Variants in MAPK10 observed in about 807,000 individuals in gnomAD.
MAPK10 encodes the protein mitogen-activated protein kinase 10.
Under a neutral mutation model 59.3 loss-of-function variants are expected in MAPK10, and 25 were observed. The observed-to-expected ratio is 0.42, with a 90% CI of 0.31 to 0.59. MAPK10 has a LOEUF of 0.59. Among genes scored for constraint, MAPK10 ranks in the 20% least tolerant of loss-of-function variants. The probability of loss-of-function intolerance (pLI) is 0.15; values close to 1 mark genes in which losing one functional copy is unlikely to be tolerated. For synonymous variants in MAPK10, 190 were observed against 200.5 expected (o/e 0.95, Z 0.44); for missense variants, 351 against 568.9 (o/e 0.62, Z 3.90).
At chr4:86,244,273 C>A (rs945637506) in intron 2 of MAPK10, among the ~76,000 whole-genome samples, 5 of 152,070 alleles carry the variant, frequency 3.3e-5, no homozygotes, top group African/African-American at 4.8e-5. Context: ...AAAAATCAAC[C>A]ATTTTATACC....
chr4:86,408,794 G>T (rs949146193), intron 1 of MAPK10, among the ~76,000 whole-genome samples: 5 of 152,156 alleles, frequency 3.3e-5, no homozygotes, highest in Non-Finnish European at 7.3e-5. Flanking sequence ...GTAGATTCTG[G>T]ATATTAGTCC....
chr4:86,198,765 GATA>G (rs555478471), intron 2 of MAPK10, among the ~76,000 whole-genome samples: 3 of 151,400 alleles, frequency 2.0e-5, no homozygotes, highest in Non-Finnish European at 4.4e-5. Flanking sequence ...TAAAATATGT[GATA>G]ATTAGTATAA....
intron 4 of MAPK10, among the ~76,000 whole-genome samples, chr4:86,136,581 T>A (rs551192982): frequency 5.5e-5 from 8 of 145,800 alleles, no homozygotes; most frequent in Admixed American, 1.4e-4. Flanking sequence ...TGCAAAATCA[T>A]GCCAAAATGT....
At chr4:86,189,114 G>C (rs925356106) in intron 3 of MAPK10, among the ~76,000 whole-genome samples, 10 of 152,048 alleles carry the variant, frequency 6.6e-5, no homozygotes, top group Non-Finnish European at 1.3e-4. Flanking sequence ...TATTTGTTTT[G>C]GTACCAGCAC....
At chr4:86,582,860 T>G (rs112671571) in intron 1 of MAPK10, among the ~76,000 whole-genome samples, 7,096 of 152,280 alleles carry the variant, frequency 0.047, 223 homozygotes, top group African/African-American at 0.061. Context: ...TGTGGTTATA[T>G]TTGAATGTGT....
At chr4:86,327,138 C>A (rs1247598779) in intron 2 of MAPK10, 1 of 139,844 alleles carries the variant, frequency 7.2e-6, no homozygotes, top group African/African-American at 2.6e-5. Flanking sequence ...ACCCAGCTAA[C>A]TTTTTTTTTT....
intron 1 of MAPK10, among the ~76,000 whole-genome samples, chr4:86,365,442 A>T (rs1340871221): frequency 3.0e-5 from 3 of 101,638 alleles, no homozygotes; most frequent in African/African-American, 1.1e-4. Context: ...AAAAAAAAAA[A>T]AAAAAAAAAA....
At chr4:86,178,167 C>T (rs2076118012) in intron 3 of MAPK10, among the ~76,000 whole-genome samples, 1 of 152,020 alleles carries the variant, frequency 6.6e-6, no homozygotes, top group South Asian at 2.1e-4. Context: ...ACCTTTTTCC[C>T]CCTACTGGTC....
intron 1 of MAPK10, among the ~76,000 whole-genome samples, chr4:86,540,683 T>G (rs938232311): frequency 3.3e-5 from 5 of 152,088 alleles, no homozygotes; most frequent in Non-Finnish European, 5.9e-5. Context: ...GGAAGAAGAA[T>G]AATTCCCTTC....
At chr4:86,513,126 C>G (rs370144511) in intron 1 of MAPK10, among the ~76,000 whole-genome samples, 4 of 152,038 alleles carry the variant, frequency 2.6e-5, no homozygotes, top group Non-Finnish European at 5.9e-5. Flanking sequence ...TAGCTCCCTT[C>G]AGCCTCAAAT....
intron 1 of MAPK10, among the ~76,000 whole-genome samples, chr4:86,502,180 T>C (rs1755380485): frequency 6.6e-6 from 1 of 152,006 alleles, no homozygotes; most frequent in Admixed American, 6.6e-5. Flanking sequence ...CTCCTCTAAA[T>C]GTGTTGTGAC....
intron 4 of MAPK10, among the ~76,000 whole-genome samples, chr4:86,132,072 A>G (rs991370798): frequency 6.6e-6 from 1 of 152,220 alleles, no homozygotes; most frequent in Non-Finnish European, 1.5e-5. Context: ...TGAGTTAATA[A>G]CTTACTTATT....
At chr4:86,405,946 T>C (rs1744309589) in intron 1 of MAPK10, among the ~76,000 whole-genome samples, 1 of 152,176 alleles carries the variant, frequency 6.6e-6, no homozygotes, top group Non-Finnish European at 1.5e-5. Flanking sequence ...TCTTTTTAAC[T>C]GACTAAATAG....
At chr4:86,271,114 G>A (rs1395886716) in intron 2 of MAPK10, among the ~76,000 whole-genome samples, 1 of 151,954 alleles carries the variant, frequency 6.6e-6, no homozygotes, top group Non-Finnish European at 1.5e-5. Context: ...CCAAGAGGTT[G>A]TACCATTTTA....
chr4:86,142,698 C>T (rs2063910490), intron 4 of MAPK10, among the ~76,000 whole-genome samples: 1 of 152,074 alleles, frequency 6.6e-6, no homozygotes, highest in Admixed American at 6.5e-5. Flanking sequence ...GAAGCAAAGC[C>T]CATACATCAA....
intron 11 of MAPK10, among the ~76,000 whole-genome samples, chr4:86,040,513 C>A (rs2148938154): frequency 1.3e-5 from 2 of 152,090 alleles, no homozygotes; most frequent in East Asian, 3.9e-4. Flanking sequence ...CAAAAGAGCA[C>A]ATTTTTTAGT....
intron 1 of MAPK10, among the ~76,000 whole-genome samples, chr4:86,505,712 G>A (rs1755692551): frequency 6.6e-6 from 1 of 152,062 alleles, no homozygotes; most frequent in African/African-American, 2.4e-5. Flanking sequence ...CCTAGTACTA[G>A]ACTAGGAACA....
chr4:86,132,016 G>A (rs2061092406), intron 4 of MAPK10, among the ~76,000 whole-genome samples: 2 of 152,262 alleles, frequency 1.3e-5, no homozygotes, highest in South Asian at 2.1e-4. Context: ...ACGATACACT[G>A]CTGGTCCTAG....
chr4:86,141,678 A>G lies in MAPK10; in HGVS notation c.236+17620T>C, dbSNP rs528779208. On this transcript the variant is annotated intron_variant, in intron 4 of 13. Coordinates refer to ENST00000641462, the MANE Select transcript of MAPK10 (RefSeq NM_138982.4). ...ATTTATTGATAGAGAATACACTTTT[A>G]AAAATACACATTGAGCAAATGTATA... is the stretch of plus-strand genomic sequence containing the variant. Among the ~76,000 whole-genome samples the G allele has an allele frequency of 3.5e-4, 53 of 152,348 alleles. 1 individual carries two copies. Among genetic ancestry groups the G allele is most frequent in the African/African-American group, 1.3e-3 (52 of 41,588 alleles).
Sources: gnomAD v4.1 joint callset for allele counts (sites outside exome capture counted in the v4.1 genomes callset) on GRCh38, gnomAD v4.1.1 for gene constraint, MANE v1.5 for transcripts, NCBI Gene and HGNC (gene_info 2026-07-23, HGNC 2026-07-21) for gene names.